MOGAT3: variants seen among roughly 807,000 people sequenced by gnomAD.
MOGAT3 encodes monoacylglycerol O-acyltransferase 3, also known as 2-acylglycerol O-acyltransferase 3.
In MOGAT3, 39 loss-of-function variants were observed where a neutral mutation model predicts 34.4. The observed-to-expected ratio is 1.13, with a 90% CI of 0.88 to 1.48. MOGAT3 has a LOEUF of 1.48. Among genes scored for constraint, MOGAT3 ranks in the 40% most tolerant of loss-of-function variants. The pLI, the probability that MOGAT3 is intolerant of heterozygous loss-of-function variation, is 0.00. For missense variants in MOGAT3, 439 were observed against 438.9 expected (o/e 1.00, Z 0.00); for synonymous variants, 209 against 179.2 (o/e 1.17, Z -1.33).
In MOGAT3 at chr7:101,200,892, C is replaced by A. The variant is rs367702904; in HGVS notation, c.-38G>T. ...CCTCTTCCAGCAGGATCCCAGAACCCGGAGGACAAACGATGAAGGCTTGGA... is the reference window on the plus strand; with the variant it reads ...CCTCTTCCAGCAGGATCCCAGAACCAGGAGGACAAACGATGAAGGCTTGGA... On this transcript the variant is annotated 5_prime_UTR_variant, in exon 1 of 7. Coordinates refer to ENST00000223114, the MANE Select transcript of MOGAT3 (RefSeq NM_178176.4). 6.5e-7 allele frequency: 1 copy of A among 1,545,538 alleles called. No homozygotes were observed. Among genetic ancestry groups the A allele is most frequent in the South Asian group, 1.2e-5 (1 of 86,136 alleles).
downstream of MOGAT3, among the ~76,000 whole-genome samples, chr7:101,194,669 G>T (rs1162309255): frequency 6.8e-6 from 1 of 147,436 alleles, no homozygotes; most frequent in Non-Finnish European, 1.5e-5. Context: ...GCCTGGTTAA[G>T]TTTTTGTATT....
At chr7:101,193,699 C>CT (rs1169579936), downstream of MOGAT3, among the ~76,000 whole-genome samples, 1 of 151,946 alleles carries the variant, frequency 6.6e-6, no homozygotes, top group Admixed American at 6.6e-5. Flanking sequence ...AAGTGCTGGG[C>CT]TTACAGGCAT....
At position 101,198,685 on chromosome 7, in the gene MOGAT3, A is replaced by C. The variant is rs759020575; in HGVS notation, c.434T>G (p.Leu145Ter). Residue 145 changes from leucine to a stop codon, truncating the protein, a stop_gained, in exon 4 of 7, where the codon TTA becomes TGA. Transcript: ENST00000223114. LOFTEE classifies it high-confidence loss of function. ...GTAGAAGAGGCCAGCCAGCACGGCTAACCAGGGCCGGAGCCCCGGGAAGAG... is the reference window on the plus strand; with the variant it reads ...GTAGAAGAGGCCAGCCAGCACGGCTCACCAGGGCCGGAGCCCCGGGAAGAG... ...SQLFPGLRPW[L>*]AVLAGLFYLP... is the part of the protein sequence containing the mutation. 1 of 1,613,472 alleles carries C rather than the reference A, an allele frequency of 6.2e-7. No homozygotes were observed.
At position 101,196,280 on chromosome 7, in the gene MOGAT3, T is replaced by A; in HGVS notation, c.778A>T (p.Met260Leu). ...HWCQLTFKKL[M>L]GFSPCIFWGR... is the part of the protein sequence containing the mutation. ...CAGAAGATGCAAGGAGAGAAGCCCA[T>A]GAGCTTCTTGAAGGTGAGCTGGCAC... The change falls in exon 6 of 7, where the codon ATG (methionine) becomes TTG (leucine). Residue 260 changes from methionine to leucine, a missense_variant. Coordinates refer to ENST00000223114, the MANE Select transcript of MOGAT3 (RefSeq NM_178176.4). 6.2e-7 allele frequency: 1 copy of A among 1,613,018 alleles called. No individual in the cohort carries two copies. The highest frequency in any genetic ancestry group is 8.5e-7 in the Non-Finnish European group (1 of 1,179,458).
At chr7:101,196,603 C>T (rs575426531) in intron 5 of MOGAT3, among the ~76,000 whole-genome samples, 5 of 152,150 alleles carry the variant, frequency 3.3e-5, no homozygotes, top group Non-Finnish European at 7.4e-5. Context: ...GGTCTTGTAA[C>T]CACACCTGTA....
chr7:101,195,992 T>C lies in MOGAT3; in HGVS notation c.980A>G (p.Lys327Arg). 1.9e-6 allele frequency: 3 copies of C among 1,614,166 alleles called. No homozygotes were observed. The highest frequency in any genetic ancestry group is 2.2e-5 in the East Asian group (1 of 44,876). Residue 327 changes from lysine to arginine, a missense_variant, in exon 7 of 7, where the codon AAG becomes AGG. By Grantham distance (26) the Lys-to-Arg change is conservative. Transcript: ENST00000223114. ...GGAAGCGGGGACCCCACAGCTTTCC[T>C]TGTGCTCCTCGAAGAGCTGCTCCAG... ...TALEQLFEEH[K>R]ESCGVPASTC...
downstream of MOGAT3, among the ~76,000 whole-genome samples, chr7:101,193,642 G>A (rs978463601): frequency 2.0e-5 from 3 of 152,050 alleles, no homozygotes; most frequent in Non-Finnish European, 2.9e-5. Flanking sequence ...TGGCCAGGCT[G>A]GTCTTGAACT....
chr7:101,194,721 T>C (rs1443963977), downstream of MOGAT3, among the ~76,000 whole-genome samples: 1 of 151,818 alleles, frequency 6.6e-6, no homozygotes, highest in East Asian at 1.9e-4. Context: ...CAGGATGGTC[T>C]CGATCTCCTG....
chr7:101,196,434 G>T, intron 5 of MOGAT3, 45 bp from the exon 6 acceptor site: 1 of 1,461,106 alleles, frequency 6.8e-7, no homozygotes, highest in African/African-American at 1.4e-5. Flanking sequence ...CTGCTGGACT[G>T]CTCCGAGATG....
Position 101,200,950 on chromosome 7 carries a change from G to A in MOGAT3, c.-96C>T. On this transcript the variant is annotated 5_prime_UTR_variant, in exon 1 of 7. Transcript: ENST00000223114. Reference sequence around the variant, plus strand: ...CTGGGCAGACTTTCTCCCTACAGGAGCCCAGCTTTGGGGGCCTGGCTAAGT... The same window carrying A: ...CTGGGCAGACTTTCTCCCTACAGGAACCCAGCTTTGGGGGCCTGGCTAAGT... The A allele has an allele frequency of 1.0e-6, 1 of 998,316 alleles. No individual in the cohort carries two copies. Among genetic ancestry groups the A allele is most frequent in the Admixed American group, 2.5e-5 (1 of 40,112 alleles). 61.8% of individuals were successfully genotyped at this position (998,316 alleles called of 1,614,324 possible).
In MOGAT3 at chr7:101,198,738, G is replaced by A. The variant is rs756222669; in HGVS notation, c.381C>T (p.Phe127=). The A allele has an allele frequency of 6.8e-6, 11 of 1,613,380 alleles. No homozygotes were observed. The African/African-American group carries it at 9.4e-5, about 14-fold the overall frequency. The change falls in exon 4 of 7, where the codon TTC becomes TTT. Residue 127 remains phenylalanine, a synonymous_variant. Transcript: ENST00000223114. The part of the protein sequence containing the change: ...GIMCTGFLCN[F]STESNGFSQL... ...GGGAGAAGCCATTGCTCTCGGTGGA[G>A]AAATTACAGAGGAAGCCTGTACACA...
Position 101,196,019 on chromosome 7 carries a change from G to C in MOGAT3, c.953C>G (p.Ala318Gly). 6.2e-7 allele frequency: 1 copy of C among 1,614,168 alleles called. No individual in the cohort carries two copies. The highest frequency in any genetic ancestry group is 8.5e-7 in the Non-Finnish European group (1 of 1,180,030). Residue 318 changes from alanine to glycine, a missense_variant, in exon 7 of 7, where the codon GCC becomes GGC. By Grantham distance (60) the Ala-to-Gly change is moderately conservative (BLOSUM62 0). Coordinates refer to ENST00000223114, the MANE Select transcript of MOGAT3 (RefSeq NM_178176.4). The part of the protein sequence containing the change: ...VNHYHALYMT[A>G]LEQLFEEHKE... ...GTGCTCCTCGAAGAGCTGCTCCAGG[G>C]CCGTCATGTAGAGGGCGTGATAGTG...
At chr7:101,200,128 G>T in intron 3 of MOGAT3, 106 bp downstream of exon 3, 1 of 929,750 alleles carries the variant, frequency 1.1e-6, no homozygotes, top group Non-Finnish European at 1.8e-6. Context: ...CACTGCCTGA[G>T]CTTAGGCAGC....
chr7:101,198,913 C>T (rs933730609), intron 3 of MOGAT3, 83 bp from the exon 4 acceptor site: 5 of 1,301,926 alleles, frequency 3.8e-6, no homozygotes, highest in African/African-American at 1.5e-5. Context: ...CAACAGAGTT[C>T]CGAGTTAAAG....
rs1424440164 is a variant in MOGAT3 at position 101,200,746 on chromosome 7, C to T, written c.109G>A (p.Gly37Ser). 6.2e-7 allele frequency: 1 copy of T among 1,613,242 alleles called. No individual in the cohort carries two copies. The highest frequency in any genetic ancestry group is 8.5e-7 in the Non-Finnish European group (1 of 1,179,446). Residue 37 changes from glycine (G) to serine (S), a missense_variant and splice_region_variant, in exon 1 of 7, where the codon GGC becomes AGC. Gly to Ser is a moderately conservative substitution (Grantham distance 56). Coordinates refer to ENST00000223114, the MANE Select transcript of MOGAT3 (RefSeq NM_178176.4). Reference sequence around the variant, plus strand: ...GCACCCACGCCTCCCCAGCTCTCACCCATGAAGAGGAAAGTGAGCACATAT... The same window carrying T: ...GCACCCACGCCTCCCCAGCTCTCACTCATGAAGAGGAAAGTGAGCACATAT... ...YQYVLTFLFM[G>S]PFFSLLVFVL...
chr7:101,197,229 C>A (rs1797815449), intron 5 of MOGAT3, among the ~76,000 whole-genome samples: 1 of 152,174 alleles, frequency 6.6e-6, no homozygotes, highest in Non-Finnish European at 1.5e-5. Context: ...CTTGCCCAGG[C>A]TGGAGGGCAG....
chr7:101,194,203 T>G (rs970103712), downstream of MOGAT3, among the ~76,000 whole-genome samples: 2 of 152,020 alleles, frequency 1.3e-5, no homozygotes, highest in East Asian at 3.9e-4. Context: ...TTTTTTTCTT[T>G]TTAGCCGGAG....
intron 3 of MOGAT3, 136 bp from the exon 4 acceptor site, chr7:101,198,966 G>A (rs1287050659): frequency 2.9e-5 from 17 of 581,048 alleles, no homozygotes; most frequent in Non-Finnish European, 5.1e-5. Flanking sequence ...AGAGTTCCGA[G>A]TTAAAGGTTC....
chr7:101,196,267 G>A lies in MOGAT3; in HGVS notation c.791C>T (p.Pro264Leu). The A allele has an allele frequency of 6.2e-7, 1 of 1,611,654 alleles. No homozygotes were observed. The highest frequency in any genetic ancestry group is 1.7e-5 in the Admixed American group (1 of 59,506). The change falls in exon 6 of 7, where the codon CCT (proline) becomes CTT (leucine). Residue 264 changes from proline (P) to leucine (L), a missense_variant. Physicochemically the swap from Pro to Leu is moderately conservative, Grantham distance 98. Coordinates refer to ENST00000223114, the MANE Select transcript of MOGAT3 (RefSeq NM_178176.4). ...LTFKKLMGFSPCIFWGRGLFS... is the reference protein window; with the variant it reads ...LTFKKLMGFSLCIFWGRGLFS... ...GAGACCGCGACCCCAGAAGATGCAA[G>A]GAGAGAAGCCCATGAGCTTCTTGAA...
Sources: allele counts gnomAD v4.1 joint callset (sites outside exome capture counted in the v4.1 genomes callset), GRCh38; gene constraint gnomAD v4.1.1; transcripts MANE v1.5; gene names NCBI Gene and HGNC (gene_info 2026-07-23, HGNC 2026-07-21).